Variants in NR6A1 observed in about 807,000 individuals in gnomAD.
NR6A1 encodes the protein retinoic acid receptor-related testis-associated receptor.
Under a neutral mutation model 59.1 loss-of-function variants are expected in NR6A1, and 7 were observed. That is an observed-to-expected ratio of 0.12 (90% CI 0.07 to 0.22). The LOEUF (loss-of-function observed/expected upper bound fraction) is 0.22. Ranked by LOEUF, NR6A1 falls within the 10% of genes least tolerant of loss-of-function variation. The pLI, the probability that NR6A1 is intolerant of heterozygous loss-of-function variation, is 1.00. For synonymous variants in NR6A1, 243 were observed against 236.1 expected, an observed-to-expected ratio of 1.03 and a Z score of -0.27; for missense variants, 468 against 611.6, an observed-to-expected ratio of 0.77 and a Z score of 2.48.
At chr9:124,640,790 T>C (rs1334234003) in intron 2 of NR6A1, among the ~76,000 whole-genome samples, 1 of 152,012 alleles carries the variant, frequency 6.6e-6, no homozygotes, top group Non-Finnish European at 1.5e-5. Context: ...ACCCAGCTAA[T>C]TTTTGTATTT....
intron 2 of NR6A1, chr9:124,692,556 C>T (rs372108120): frequency 7.9e-6 from 4 of 506,506 alleles, no homozygotes; most frequent in Admixed American, 2.0e-5. Flanking sequence ...TCCTTACAGA[C>T]GACACTACAT....
At position 124,682,009 on chromosome 9, in the gene NR6A1, T is replaced by A. The variant is rs1044351352; in HGVS notation, c.142+51299A>T. On this transcript the variant is annotated intron_variant, in intron 2 of 9. Transcript: ENST00000487099. ...TGTTTTGTTTTGTTTTTTGTTTTGT[T>A]TTGAGAGGGAGTTTTGCTCTTGTTG... Among the ~76,000 whole-genome samples, 5 of 152,124 alleles carry A rather than the reference T, an allele frequency of 3.3e-5. No individual in the cohort carries two copies. In the South Asian group the frequency reaches 6.2e-4, roughly 19 times the overall value.
At chr9:124,650,815 G>C (rs1837077483) in intron 2 of NR6A1, among the ~76,000 whole-genome samples, 1 of 152,138 alleles carries the variant, frequency 6.6e-6, no homozygotes, top group African/African-American at 2.4e-5. Flanking sequence ...AACACTTAAG[G>C]AAGAAATTAT....
intron 1 of NR6A1, among the ~76,000 whole-genome samples, chr9:124,769,236 T>C (rs1286341784): frequency 2.2e-5 from 3 of 138,776 alleles, no homozygotes; most frequent in African/African-American, 8.5e-5. Context: ...CTAGCCATCA[T>C]ACATCATACA....
At chr9:124,696,210 A>G (rs1564242317) in intron 2 of NR6A1, among the ~76,000 whole-genome samples, 1 of 152,216 alleles carries the variant, frequency 6.6e-6, no homozygotes. Flanking sequence ...TAAACTCAGC[A>G]AGGAGACAAT....
chr9:124,589,395 G>A (rs549871221), intron 2 of NR6A1, among the ~76,000 whole-genome samples: 1 of 152,184 alleles, frequency 6.6e-6, no homozygotes, highest in Non-Finnish European at 1.5e-5. Context: ...GCAGTGAGCC[G>A]AGATAGCACC....
intron 2 of NR6A1, among the ~76,000 whole-genome samples, chr9:124,601,905 G>A (rs971496258): frequency 3.9e-5 from 6 of 151,982 alleles, no homozygotes; most frequent in African/African-American, 7.3e-5. Flanking sequence ...CTGTGATCAC[G>A]CCACTGCACT....
chr9:124,655,877 G>C (rs907719069), intron 2 of NR6A1, among the ~76,000 whole-genome samples: 1 of 152,148 alleles, frequency 6.6e-6, no homozygotes, highest in African/African-American at 2.4e-5. Context: ...GCAAAAAAGT[G>C]GAAGCTACTT....
At chr9:124,539,783 G>A (rs1011681076) in intron 5 of NR6A1, among the ~76,000 whole-genome samples, 8 of 152,192 alleles carry the variant, frequency 5.3e-5, no homozygotes, top group African/African-American at 1.7e-4. Context: ...AAGAATGCAC[G>A]GGCATGGATA....
At chr9:124,647,852 T>C (rs1238659873) in intron 2 of NR6A1, among the ~76,000 whole-genome samples, 3 of 151,700 alleles carry the variant, frequency 2.0e-5, no homozygotes, top group Admixed American at 1.3e-4. Context: ...GCCCAGGACA[T>C]GATGGTTTTG....
intron 2 of NR6A1, among the ~76,000 whole-genome samples, chr9:124,669,657 A>G (rs1208123108): frequency 1.3e-5 from 2 of 152,252 alleles, no homozygotes; most frequent in African/African-American, 2.4e-5. Context: ...GATAGATTCC[A>G]TTAGCATGGC....
chr9:124,662,069 A>C (rs1018437258), intron 2 of NR6A1, among the ~76,000 whole-genome samples: 1 of 139,216 alleles, frequency 7.2e-6, no homozygotes, highest in East Asian at 2.0e-4. Flanking sequence ...AAATACCTTT[A>C]AAAAAAAAAA....
chr9:124,682,763 C>A (rs1409557860), intron 2 of NR6A1, among the ~76,000 whole-genome samples: 1 of 152,132 alleles, frequency 6.6e-6, no homozygotes, highest in Non-Finnish European at 1.5e-5. Context: ...GTCACTGGGA[C>A]CAGAAAGTTT....
At chr9:124,673,296 C>T (rs942262809) in intron 2 of NR6A1, among the ~76,000 whole-genome samples, 1 of 151,732 alleles carries the variant, frequency 6.6e-6, no homozygotes, top group Non-Finnish European at 1.5e-5. Flanking sequence ...CCACTGCACA[C>T]CAGCTGAGTG....
At chr9:124,760,039 C>CAAAA (rs1174587797) in intron 1 of NR6A1, among the ~76,000 whole-genome samples, 2 of 97,200 alleles carry the variant, frequency 2.1e-5, no homozygotes, top group Non-Finnish European at 2.1e-5. Context: ...GACTCCATCT[C>CAAAA]AAAAAAAAAA....
At chr9:124,543,567 CTG>C (rs1215087595) in intron 4 of NR6A1, among the ~76,000 whole-genome samples, 2 of 152,218 alleles carry the variant, frequency 1.3e-5, no homozygotes, top group Admixed American at 6.5e-5. Context: ...GGTTCACTGT[CTG>C]TGAAATCCTT....
At chr9:124,752,348 T>C (rs899555275) in intron 1 of NR6A1, among the ~76,000 whole-genome samples, 1 of 152,082 alleles carries the variant, frequency 6.6e-6, no homozygotes, top group Non-Finnish European at 1.5e-5. Flanking sequence ...TAAAATCAAA[T>C]TAAAATTAAA....
At chr9:124,669,897 T>C (rs1564228371) in intron 2 of NR6A1, among the ~76,000 whole-genome samples, 1 of 152,180 alleles carries the variant, frequency 6.6e-6, no homozygotes, top group Non-Finnish European at 1.5e-5. Context: ...GTGCCCAGCC[T>C]TATTTTCTTG....
At chr9:124,596,676 T>C (rs1835281230) in intron 2 of NR6A1, among the ~76,000 whole-genome samples, 2 of 152,204 alleles carry the variant, frequency 1.3e-5, no homozygotes, top group South Asian at 4.1e-4. Context: ...CATCATGCTA[T>C]AGCTTCCCTG....
Sources: gnomAD v4.1 joint callset for allele counts (sites outside exome capture counted in the v4.1 genomes callset) on GRCh38, gnomAD v4.1.1 for gene constraint, MANE v1.5 for transcripts, NCBI Gene and HGNC (gene_info 2026-07-23, HGNC 2026-07-21) for gene names.